The following STAG1 variants were observed in gnomAD, a reference collection of about 807,000 sequenced individuals.
STAG1 encodes cohesin subunit SA-1.
Under a neutral mutation model 170.9 loss-of-function variants are expected in STAG1, and 26 were observed. That is an observed-to-expected ratio of 0.15 (90% confidence interval 0.11 to 0.21). The LOEUF (loss-of-function observed/expected upper bound fraction) is 0.21. Among genes scored for constraint, STAG1 ranks in the 10% least tolerant of loss-of-function variants. STAG1 has a pLI of 1.00. For missense variants in STAG1, 964 were observed against 1,509.5 expected (o/e 0.64, Z 5.99); for synonymous variants, 514 against 497.7 (o/e 1.03, Z -0.44).
chr3:136,633,962 TAA>T lies in STAG1; in HGVS notation c.-83-2983_-83-2982del, dbSNP rs67810422. On this transcript the variant is annotated intron_variant, in intron 1 of 33. Coordinates refer to ENST00000383202, the MANE Select transcript of STAG1 (RefSeq NM_005862.3). ...AACATGGTGAAACCCTGTCTCTACT[TAA>T]AAAAAAAAAAAAAAAAAAAAAAAAA... Among the ~76,000 whole-genome samples the T allele has an allele frequency of 2.3e-3, 115 of 50,334 alleles. 1 individual carries two copies. The highest frequency in any genetic ancestry group is 7.7e-3 in the East Asian group (5 of 646). The allele number at this position is 50,334 out of a possible 152,430, so 33.0% of individuals were successfully genotyped here. A position where few individuals can be genotyped will look rare whatever the true frequency, so the allele number is the denominator to read the frequency against.
chr3:136,582,508 GC>G (rs1199222755), intron 4 of STAG1, among the ~76,000 whole-genome samples: 1 of 152,138 alleles, frequency 6.6e-6, no homozygotes, highest in African/African-American at 2.4e-5. Context: ...ATATAAATTA[GC>G]AATTCCAGGC....
chr3:136,529,595 A>G (rs1935262327), intron 6 of STAG1, among the ~76,000 whole-genome samples: 2 of 152,206 alleles, frequency 1.3e-5, no homozygotes, highest in Non-Finnish European at 2.9e-5. Flanking sequence ...CCAAACAAGC[A>G]AAAGCTAAGG....
chr3:136,558,276 C>T (rs947507762), intron 5 of STAG1, among the ~76,000 whole-genome samples: 1 of 152,134 alleles, frequency 6.6e-6, no homozygotes, highest in African/African-American at 2.4e-5. Flanking sequence ...CCTGTAATCC[C>T]AGCTACTAGG....
chr3:136,474,244 T>A (rs1346124178), intron 10 of STAG1, among the ~76,000 whole-genome samples: 1 of 152,196 alleles, frequency 6.6e-6, no homozygotes, highest in Admixed American at 6.5e-5. Context: ...CCTAGAAATC[T>A]AGACAAGTCT....
chr3:136,728,700 T>C (rs1933828401), intron 1 of STAG1, among the ~76,000 whole-genome samples: 1 of 152,208 alleles, frequency 6.6e-6, no homozygotes, highest in Non-Finnish European at 1.5e-5. Context: ...GGTTAACAAC[T>C]ACCACACTGG....
Position 136,551,218 on chromosome 3 carries a change from A to T in STAG1, c.395-9023T>A, listed in dbSNP as rs1376871333. ...GAGGTTGAGAGAGAGTGAGAGAGAG[A>T]GAGAGAGAGAGAGAGAGAGAGAGAG... On this transcript the variant is annotated intron_variant, in intron 5 of 33. Transcript: ENST00000383202. Among the ~76,000 whole-genome samples the T allele has an allele frequency of 8.9e-3, 933 of 105,022 alleles. 29 individuals are homozygous for T. The highest frequency in any genetic ancestry group is 0.016 in the African/African-American group (433 of 27,632). The allele number at this position is 105,022 out of a possible 152,430, so 68.9% of individuals were successfully genotyped here. A position where few individuals can be genotyped will look rare whatever the true frequency, so the allele number is the denominator to read the frequency against.
At chr3:136,508,906 GAGAC>G (rs1397613342) in intron 7 of STAG1, among the ~76,000 whole-genome samples, 5 of 152,300 alleles carry the variant, frequency 3.3e-5, no homozygotes, top group Non-Finnish European at 7.4e-5. Flanking sequence ...GAGAGAGAGA[GAGAC>G]AGAGACAGAG....
intron 1 of STAG1, among the ~76,000 whole-genome samples, chr3:136,704,116 T>C (rs182471097): frequency 6.0e-4 from 91 of 150,414 alleles, no homozygotes; most frequent in African/African-American, 2.2e-3. Flanking sequence ...AGTGGTGCGA[T>C]CTCGGCTCAC....
chr3:136,493,058 A>G (rs1470199701), intron 9 of STAG1, among the ~76,000 whole-genome samples: 1 of 152,194 alleles, frequency 6.6e-6, no homozygotes, highest in Non-Finnish European at 1.5e-5. Flanking sequence ...TTAAGAAACA[A>G]TTAGGCCAGG....
intron 26 of STAG1, among the ~76,000 whole-genome samples, chr3:136,360,995 A>G (rs945518502): frequency 5.3e-5 from 8 of 152,230 alleles, no homozygotes; most frequent in African/African-American, 1.9e-4. Context: ...ATTGGTATAT[A>G]CAATAGCCTT....
At chr3:136,527,950 C>T (rs952674558) in intron 6 of STAG1, among the ~76,000 whole-genome samples, 1 of 152,124 alleles carries the variant, frequency 6.6e-6, no homozygotes, top group Non-Finnish European at 1.5e-5. Flanking sequence ...CGGGAAGCTT[C>T]ATCTCAGAGG....
intron 21 of STAG1, among the ~76,000 whole-genome samples, chr3:136,401,540 T>C (rs1002995838): frequency 8.5e-5 from 13 of 152,160 alleles, no homozygotes; most frequent in African/African-American, 2.2e-4. Context: ...TGATATCAGA[T>C]TGCTTAAGTT....
intron 9 of STAG1, chr3:136,499,633 G>C (rs1933358720): frequency 6.6e-6 from 1 of 152,486 alleles, no homozygotes; most frequent in South Asian, 2.1e-4. Flanking sequence ...AATGTAGTTA[G>C]TGTTTTTAAG....
chr3:136,749,663 T>C (rs1335913252), intron 1 of STAG1, among the ~76,000 whole-genome samples: 1 of 151,546 alleles, frequency 6.6e-6, no homozygotes, highest in Non-Finnish European at 1.5e-5. Flanking sequence ...GGAGAATCGC[T>C]TGAACCCAGG....
intron 1 of STAG1, among the ~76,000 whole-genome samples, chr3:136,699,146 A>T (rs1344089502): frequency 6.6e-6 from 1 of 152,174 alleles, no homozygotes; most frequent in Non-Finnish European, 1.5e-5. Flanking sequence ...CAGGTACAGT[A>T]AAATCTCAGA....
At chr3:136,708,746 T>C (rs1390922394) in intron 1 of STAG1, among the ~76,000 whole-genome samples, 2 of 152,164 alleles carry the variant, frequency 1.3e-5, no homozygotes, top group Non-Finnish European at 2.9e-5. Context: ...TTAAAATTGT[T>C]AGGTGCTTAG....
chr3:136,594,328 C>G (rs1267340308), intron 4 of STAG1, among the ~76,000 whole-genome samples: 1 of 152,170 alleles, frequency 6.6e-6, no homozygotes, highest in East Asian at 1.9e-4. Flanking sequence ...ACCAATGTCA[C>G]TATAAAAGTC....
At chr3:136,589,156 G>T (rs1284060826) in intron 4 of STAG1, among the ~76,000 whole-genome samples, 1 of 152,190 alleles carries the variant, frequency 6.6e-6, no homozygotes, top group Middle Eastern at 3.4e-3. Context: ...CTCCCTAAGT[G>T]TTGGGATTAC....
In STAG1 at chr3:136,375,471, A is replaced by G. The variant is rs895889866; in HGVS notation, c.2370+2189T>C. The stretch of plus-strand genomic sequence containing the variant: ...TTGGCATTTAGTTTGGGATAACTGT[A>G]TATCTGGTTGTCCAACTGCAGCAAG... On this transcript the variant is annotated intron_variant, in intron 23 of 33. Coordinates refer to ENST00000383202, the MANE Select transcript of STAG1 (RefSeq NM_005862.3). Among the ~76,000 whole-genome samples, 4 of 152,332 alleles carry G rather than the reference A, an allele frequency of 2.6e-5. No individual in the cohort carries two copies. In the South Asian group the frequency reaches 6.2e-4, roughly 24 times the overall value.
Sources: allele counts gnomAD v4.1 joint callset (sites outside exome capture counted in the v4.1 genomes callset), GRCh38; gene constraint gnomAD v4.1.1; transcripts MANE v1.5; gene names NCBI Gene and HGNC (gene_info 2026-07-23, HGNC 2026-07-21).